The following IQGAP2 variants were observed in gnomAD, a reference collection of about 807,000 sequenced individuals.
IQGAP2 encodes the protein IQ motif containing GTPase activating protein 2.
Under a neutral mutation model 201.3 loss-of-function variants are expected in IQGAP2, and 173 were observed. The observed-to-expected ratio is 0.86, with a 90% confidence interval of 0.76 to 0.98. The LOEUF (loss-of-function observed/expected upper bound fraction) is 0.98. Ranked by LOEUF, IQGAP2 falls within the 50% of genes least tolerant of loss-of-function variation. IQGAP2 has a pLI of 0.00. For missense variants in IQGAP2, 1,687 were observed against 1,864.8 expected (o/e 0.90, Z 1.76); for synonymous variants, 675 against 673.9 (o/e 1.00, Z -0.03).
intron 1 of IQGAP2, among the ~76,000 whole-genome samples, chr5:76,419,764 C>T (rs1168697235): frequency 6.6e-6 from 1 of 151,660 alleles, no homozygotes; most frequent in Non-Finnish European, 1.5e-5. Flanking sequence ...TTAGCTTTAC[C>T]ACCTGTTGAC....
At chr5:76,529,773 T>C (rs972973434) in intron 2 of IQGAP2, among the ~76,000 whole-genome samples, 5 of 152,092 alleles carry the variant, frequency 3.3e-5, no homozygotes, top group Non-Finnish European at 5.9e-5. Flanking sequence ...CTCATTGTCC[T>C]TTAACACAGA....
intron 30 of IQGAP2, among the ~76,000 whole-genome samples, chr5:76,686,997 A>G (rs1275887490): frequency 2.0e-5 from 3 of 152,228 alleles, no homozygotes; most frequent in Admixed American, 2.0e-4. Flanking sequence ...CTAGTGCCAC[A>G]CCATATTGAT....
intron 5 of IQGAP2, among the ~76,000 whole-genome samples, chr5:76,588,449 T>C (rs1332807710): frequency 6.6e-6 from 1 of 152,186 alleles, no homozygotes; most frequent in South Asian, 2.1e-4. Context: ...TATTTATTGG[T>C]TTAGAAAATG....
chr5:76,453,270 T>C (rs540202035), intron 1 of IQGAP2, among the ~76,000 whole-genome samples: 1 of 152,274 alleles, frequency 6.6e-6, no homozygotes, highest in Non-Finnish European at 1.5e-5. Flanking sequence ...ATGCAAAATA[T>C]GTGATGTAGT....
At chr5:76,500,084 G>C (rs1757193329) in intron 2 of IQGAP2, among the ~76,000 whole-genome samples, 1 of 152,062 alleles carries the variant, frequency 6.6e-6, no homozygotes, top group Non-Finnish European at 1.5e-5. Flanking sequence ...CTCCAACCTA[G>C]GTGACAGAGA....
chr5:76,697,856 T>A (rs1746899745), intron 32 of IQGAP2, 131 bp from the exon 33 acceptor site: 9 of 612,562 alleles, frequency 1.5e-5, no homozygotes, highest in Admixed American at 3.3e-5. Flanking sequence ...TAAAATAAGG[T>A]GCCTGAGATA....
At chr5:76,476,907 T>A (rs6862109) in intron 2 of IQGAP2, among the ~76,000 whole-genome samples, 117,414 of 152,122 alleles carry the variant, frequency 0.77, 45,498 homozygotes, top group Non-Finnish European at 0.79. Context: ...AGTGGGCGTG[T>A]GTGTCTAACT....
At chr5:76,490,705 G>A (rs985336833) in intron 2 of IQGAP2, among the ~76,000 whole-genome samples, 3 of 152,048 alleles carry the variant, frequency 2.0e-5, no homozygotes, top group Non-Finnish European at 4.4e-5. Context: ...GAACTGTATA[G>A]GTTATAGGGC....
chr5:76,705,926 G>T (rs1747853258), intron 35 of IQGAP2, among the ~76,000 whole-genome samples: 1 of 152,230 alleles, frequency 6.6e-6, no homozygotes, highest in Non-Finnish European at 1.5e-5. Context: ...CATATGGCTG[G>T]TGTGATCCAG....
chr5:76,420,488 G>A (rs1176633443), intron 1 of IQGAP2, among the ~76,000 whole-genome samples: 1 of 150,120 alleles, frequency 6.7e-6, no homozygotes, highest in Non-Finnish European at 1.5e-5. Context: ...TGATTCTCCT[G>A]CCTCAGCCTC....
At chr5:76,522,679 C>T (rs866469482) in intron 2 of IQGAP2, among the ~76,000 whole-genome samples, 1 of 152,142 alleles carries the variant, frequency 6.6e-6, no homozygotes. Flanking sequence ...TTCTAAAATG[C>T]TTACCATTGA....
intron 2 of IQGAP2, among the ~76,000 whole-genome samples, chr5:76,504,565 C>T (rs58125810): frequency 0.1 from 15,797 of 152,070 alleles, 2,795 homozygotes; most frequent in African/African-American, 0.36. Flanking sequence ...AGGCCACTTC[C>T]GTGAGCCCCA....
intron 30 of IQGAP2, among the ~76,000 whole-genome samples, chr5:76,687,608 C>T (rs1234944382): frequency 6.6e-6 from 1 of 152,166 alleles, no homozygotes; most frequent in Non-Finnish European, 1.5e-5. Context: ...ACAGCTGCTC[C>T]CCATTGCTGG....
At chr5:76,559,206 T>C (rs1277359227) in intron 2 of IQGAP2, among the ~76,000 whole-genome samples, 1 of 152,138 alleles carries the variant, frequency 6.6e-6, no homozygotes, top group African/African-American at 2.4e-5. Context: ...TGGCCCTCTG[T>C]TTTTCAACTC....
At position 76,403,434 on chromosome 5, in the gene IQGAP2, A is replaced by C; in HGVS notation, c.-112A>C. On this transcript the variant is annotated 5_prime_UTR_variant, in exon 1 of 36. Coordinates refer to ENST00000274364, the MANE Select transcript of IQGAP2 (RefSeq NM_006633.5). The surrounding 1 kb of genome is among the most constrained non-coding windows in gnomAD (Gnocchi z 4.8). Reference sequence around the variant, plus strand: ...GCAGATCTTCGGGCGGCTAGGGGAAATCGGCGAGAGGCGGGATCCGAGCGC... The same window carrying C: ...GCAGATCTTCGGGCGGCTAGGGGAACTCGGCGAGAGGCGGGATCCGAGCGC... 2 of 781,434 alleles carry C rather than the reference A, an allele frequency of 2.6e-6. No individual in the cohort carries two copies. Among genetic ancestry groups the C allele is most frequent in the Middle Eastern group, 8.5e-4 (2 of 2,364 alleles). The allele number at this position is 781,434 out of a possible 1,614,324, so 48.4% of individuals were successfully genotyped here. A position where few individuals can be genotyped will look rare whatever the true frequency, so the allele number is the denominator to read the frequency against.
intron 2 of IQGAP2, among the ~76,000 whole-genome samples, chr5:76,558,209 G>T (rs912292511): frequency 1.3e-5 from 2 of 152,050 alleles, no homozygotes; most frequent in Admixed American, 1.3e-4. Flanking sequence ...ATACTTCGGG[G>T]AGCTTTTATT....
chr5:76,665,100 C>A lies in IQGAP2; in HGVS notation c.2604C>A (p.Asn868Lys). 6.2e-7 allele frequency: 1 copy of A among 1,608,306 alleles called. No individual in the cohort carries two copies. Among genetic ancestry groups the A allele is most frequent in the Non-Finnish European group, 8.5e-7 (1 of 1,174,930 alleles). ...GEMEILNNTD[N>K]QGIKSLSKER... ...TGGAAATACTGAATAACACCGACAA[C>A]CAAGGAATAAAAAGTTTGAGTAAGG... The change falls in exon 22 of 36, where the codon AAC becomes AAA. Residue 868 changes from asparagine to lysine, a missense_variant. By Grantham distance (94) the Asn-to-Lys change is moderately conservative. Transcript: ENST00000274364.
chr5:76,643,961 T>C (rs534229398), intron 17 of IQGAP2, among the ~76,000 whole-genome samples: 1 of 152,062 alleles, frequency 6.6e-6, no homozygotes, highest in South Asian at 2.1e-4. Flanking sequence ...GAGGTAAATG[T>C]TTAGGGCTTT....
In IQGAP2 at chr5:76,683,165, G is replaced by A; in HGVS notation, c.3711G>A (p.Leu1237=). 2 of 1,612,736 alleles carry A rather than the reference G, an allele frequency of 1.2e-6. No homozygotes were observed. Among genetic ancestry groups the A allele is most frequent in the Non-Finnish European group, 1.7e-6 (2 of 1,179,370 alleles). Residue 1237 remains leucine (L), a synonymous_variant, in exon 29 of 36, where the codon CTG becomes CTA. Transcript: ENST00000274364. ...DAIAPEKNDL[L]SELLGSLGEV... ...TTGCCCCTGAGAAAAATGACTTACT[G>A]AGTGAATTGCTGGGGTCGCTGGGAG...
Sources: allele counts gnomAD v4.1 joint callset (sites outside exome capture counted in the v4.1 genomes callset), GRCh38; gene constraint gnomAD v4.1.1; non-coding constraint Gnocchi (gnomAD v3.1); transcripts MANE v1.5; gene names NCBI Gene and HGNC (gene_info 2026-07-23, HGNC 2026-07-21).